Variants in ANAPC11 observed in about 807,000 individuals in gnomAD.
The protein encoded by ANAPC11 is anaphase promoting complex subunit 11.
Under a neutral mutation model 11.8 loss-of-function variants are expected in ANAPC11, and 5 were observed. That is an observed-to-expected ratio of 0.42 (90% CI 0.22 to 0.89). The LOEUF is 0.89. ANAPC11 is among the 40% of genes least tolerant of loss of function. ANAPC11 has a pLI of 0.28. For missense variants in ANAPC11, 68 were observed against 112.9 expected (o/e 0.60, Z 1.80); for synonymous variants, 45 against 41.0 (o/e 1.10, Z -0.38).
intron 3 of ANAPC11, chr17:81,899,159 C>G: frequency 1.4e-6 from 2 of 1,416,220 alleles, no homozygotes; most frequent in East Asian, 4.8e-5. Context: ...GCAGCTGTTC[C>G]TCAGGGGTTT....
At chr17:81,899,191 A>T (rs1254712776) in intron 3 of ANAPC11, 39 of 1,560,414 alleles carry the variant, frequency 2.5e-5, no homozygotes, top group Non-Finnish European at 3.1e-5. Flanking sequence ...GAGATCAGGG[A>T]CACTCATTTC....
chr17:81,899,135 G>A (rs1279660189), intron 3 of ANAPC11: 3 of 1,221,168 alleles, frequency 2.5e-6, no homozygotes, highest in Admixed American at 2.3e-5. Context: ...GGGACTTGCT[G>A]TGCTCTGTTG....
intron 3 of ANAPC11, chr17:81,899,070 G>A: frequency 1.4e-6 from 1 of 692,926 alleles, no homozygotes; most frequent in Non-Finnish European, 2.4e-6. Flanking sequence ...ACAGGAGGGT[G>A]GCCACGAGCT....
intron 3 of ANAPC11, 160 bp downstream of exon 3, chr17:81,894,746 T>A (rs2039677135): frequency 2.2e-6 from 1 of 463,360 alleles, no homozygotes; most frequent in Non-Finnish European, 3.8e-6. Context: ...AGACCGAGTT[T>A]CGATCTTGTT....
chr17:81,899,540 T>G, intron 3 of ANAPC11: 1 of 1,612,396 alleles, frequency 6.2e-7, no homozygotes, highest in Non-Finnish European at 8.5e-7. Flanking sequence ...CCAGGGCCTG[T>G]AGGTCAGACA....
chr17:81,892,190 C>T (rs1028711874), intron 1 of ANAPC11: 3 of 152,490 alleles, frequency 2.0e-5, no homozygotes, highest in African/African-American at 4.8e-5. Flanking sequence ...AGTTTTCTTG[C>T]GGGCCGGGCG....
At chr17:81,898,927 C>A in intron 3 of ANAPC11, 1 of 433,470 alleles carries the variant, frequency 2.3e-6, no homozygotes, top group African/African-American at 2.0e-5. Flanking sequence ...CCCCTCTCCT[C>A]AGGGGGCTAG....
intron 3 of ANAPC11, chr17:81,899,594 G>T: frequency 6.4e-7 from 1 of 1,570,194 alleles, no homozygotes; most frequent in Non-Finnish European, 8.7e-7. Flanking sequence ...CACAGGGTGG[G>T]CTAGGCCAGA....
chr17:81,900,263 C>T (rs2039897969), downstream of ANAPC11: 12 of 765,124 alleles, frequency 1.6e-5, no homozygotes, highest in South Asian at 1.5e-4. Context: ...TTGCTGGAGG[C>T]CTCTGGGTGC....
chr17:81,898,872 C>G, intron 3 of ANAPC11: 1 of 284,562 alleles, frequency 3.5e-6, no homozygotes, highest in East Asian at 7.6e-5. Context: ...GAAGTGACAC[C>G]TTTGACTAAA....
chr17:81,899,577 CAG>C (rs1567872420), intron 3 of ANAPC11: 4 of 1,593,902 alleles, frequency 2.5e-6, no homozygotes, highest in Admixed American at 1.7e-5. Context: ...GCCTCAAGCA[CAG>C]GGGACACAGG....
intron 1 of ANAPC11, among the ~76,000 whole-genome samples, chr17:81,892,542 T>TTTTTTTTTTTTTTTGA (rs1891192296): frequency 7.2e-6 from 1 of 138,696 alleles, no homozygotes; most frequent in African/African-American, 2.7e-5. Context: ...TTTTTTTTTT[T>TTTTTTTTTTTTTTTGA]GAGGCAGTCT....
chr17:81,898,301 T>A (rs151023182), intron 3 of ANAPC11: 66 of 152,320 alleles, frequency 4.3e-4, no homozygotes, highest in African/African-American at 1.5e-3. Context: ...GAGGTGGTGC[T>A]AGGTAGCCCC....
intron 1 of ANAPC11, among the ~76,000 whole-genome samples, chr17:81,892,470 A>C (rs1297916208): frequency 2.0e-5 from 3 of 150,754 alleles, no homozygotes; most frequent in African/African-American, 7.3e-5. Flanking sequence ...CCCTGTCTCC[A>C]AAAAAAAATT....
At chr17:81,891,638 T>C, upstream of ANAPC11, 1 of 1,309,302 alleles carries the variant, frequency 7.6e-7, no homozygotes, top group Non-Finnish European at 9.8e-7. Context: ...GCGTGAGGCC[T>C]TCCGGTGCCA....
chr17:81,900,104 T>G lies in ANAPC11; in HGVS notation c.*39T>G, dbSNP rs2039892608. ...TCTCGCTGGAGGGGCATCCTGAGACTCCTTCCTCATGCTGGCGCCGATGGC... is the reference window on the plus strand; with the variant it reads ...TCTCGCTGGAGGGGCATCCTGAGACGCCTTCCTCATGCTGGCGCCGATGGC... On this transcript the variant is annotated 3_prime_UTR_variant, in exon 4 of 4. Coordinates refer to ENST00000344877, the MANE Select transcript of ANAPC11 (RefSeq NM_001002248.3). The G allele has an allele frequency of 1.2e-6, 2 of 1,610,038 alleles. No homozygotes were observed. Among genetic ancestry groups the G allele is most frequent in the Non-Finnish European group, 1.7e-6 (2 of 1,178,850 alleles).
chr17:81,891,626 C>G, upstream of ANAPC11: 1 of 1,336,580 alleles, frequency 7.5e-7, no homozygotes, highest in Non-Finnish European at 9.7e-7. Flanking sequence ...ACTTCCGGCG[C>G]CGCGTGAGGC....
rs111927478 is a variant in ANAPC11 at position 81,899,670 on chromosome 17, C to T, written c.110-250C>T. On this transcript the variant is annotated intron_variant, in intron 3 of 3. Coordinates refer to ENST00000344877, the MANE Select transcript of ANAPC11 (RefSeq NM_001002248.3). ...CATGATGAGCCTGGGTGAGGGGAGG[C>T]GCCTGCTGCGGTTGCCCCGGGTGGA... 37 of 1,198,248 alleles carry T rather than the reference C, an allele frequency of 3.1e-5. 1 individual carries two copies. The highest frequency in any genetic ancestry group is 2.6e-4 in the African/African-American group (17 of 64,924). The allele number at this position is 1,198,248 out of a possible 1,614,324, so 74.2% of individuals were successfully genotyped here. A position where few individuals can be genotyped will look rare whatever the true frequency, so the allele number is the denominator to read the frequency against.
At chr17:81,891,207 C>T, upstream of ANAPC11, 1 of 783,428 alleles carries the variant, frequency 1.3e-6, no homozygotes, top group Non-Finnish European at 1.6e-6. Flanking sequence ...GACCTCCGGG[C>T]GGCCGCTCCA....
Sources: allele counts gnomAD v4.1 joint callset (sites outside exome capture counted in the v4.1 genomes callset), GRCh38; gene constraint gnomAD v4.1.1; transcripts MANE v1.5; gene names NCBI Gene and HGNC (gene_info 2026-07-23, HGNC 2026-07-21).